TANGO2: variants seen among roughly 807,000 people sequenced by gnomAD.
TANGO2 encodes the protein transport and Golgi organization protein 2 homolog.
TANGO2 carries 26 observed loss-of-function variants against 39.1 expected under a neutral mutation model. That is an observed-to-expected ratio of 0.67 (90% CI 0.49 to 0.92). The LOEUF (loss-of-function observed/expected upper bound fraction) is 0.92. TANGO2 is among the 40% of genes least tolerant of loss of function. The pLI, the probability that TANGO2 is intolerant of heterozygous loss-of-function variation, is 0.00. For synonymous variants in TANGO2, 131 were observed against 144.5 expected (o/e 0.91, Z 0.67); for missense variants, 326 against 360.1 (o/e 0.91, Z 0.77).
rs2049117667 is a variant in TANGO2 at position 20,065,673 on chromosome 22, C to T, written c.*1011C>T. 6.6e-6 allele frequency: 1 copy of T among 152,276 alleles called. No individual in the cohort carries two copies. The highest frequency in any genetic ancestry group is 2.1e-4 in the South Asian group (1 of 4,832). 9.4% of individuals were successfully genotyped at this position (152,276 alleles called of 1,614,324 possible). On this transcript the variant is annotated 3_prime_UTR_variant, in exon 9 of 9. Coordinates refer to ENST00000327374, the MANE Select transcript of TANGO2 (RefSeq NM_152906.7). ...CACTCTCATAACAGAAGTGCAGACT[C>T]ATTGCTAGATTCAGTGCCCTTGAGT... is the stretch of plus-strand genomic sequence containing the variant.
At chr22:20,017,372 G>C (rs1945263401), upstream of TANGO2, among the ~76,000 whole-genome samples, 1 of 152,216 alleles carries the variant, frequency 6.6e-6, no homozygotes, top group Non-Finnish European at 1.5e-5. Flanking sequence ...TGACCCTGGG[G>C]CCTGGGGGCT....
chr22:20,047,232 G>GTTTTT (rs113268323), intron 3 of TANGO2, among the ~76,000 whole-genome samples: 2 of 132,328 alleles, frequency 1.5e-5, no homozygotes, highest in South Asian at 2.4e-4. Context: ...TGGTTTGTTT[G>GTTTTT]TTTTTTTTTT....
chr22:20,036,609 C>T (rs1168277167), intron 1 of TANGO2, 151 bp from the exon 2 acceptor site: 4 of 678,708 alleles, frequency 5.9e-6, no homozygotes, highest in African/African-American at 3.6e-5. Context: ...TGTGTGGCAC[C>T]GGCCAAGAGT....
chr22:20,053,246 T>G, intron 4 of TANGO2, 191 bp from the exon 5 acceptor site: 2 of 545,926 alleles, frequency 3.7e-6, no homozygotes, highest in South Asian at 2.3e-5. Flanking sequence ...AAATGAGCAG[T>G]TTTCAGTGCC....
chr22:20,027,149 G>A (rs1313298610), intron 1 of TANGO2, among the ~76,000 whole-genome samples: 1 of 152,130 alleles, frequency 6.6e-6, no homozygotes, highest in Admixed American at 6.6e-5. Context: ...AGAGAGATGG[G>A]GGAGGTGCCA....
At chr22:20,059,984 CTGGCTCTGTCACCCAGGCTGGAGTGCAG>C (rs1364041442) in intron 6 of TANGO2, among the ~76,000 whole-genome samples, 4 of 150,486 alleles carry the variant, frequency 2.7e-5, no homozygotes, top group African/African-American at 9.8e-5. Context: ...GAGACAGGGT[CTGGCTCTGTCACCCAGGCTGGAGTGCAG>C]TGGTGCAGTC....
intron 2 of TANGO2, among the ~76,000 whole-genome samples, chr22:20,039,130 C>A (rs1423650708): frequency 5.3e-5 from 8 of 150,260 alleles, no homozygotes; most frequent in Admixed American, 3.3e-4. Flanking sequence ...GACAAGTTCT[C>A]ACTATGTTGT....
At chr22:20,059,106 TGTG>T (rs1303364202) in intron 6 of TANGO2, among the ~76,000 whole-genome samples, 5 of 152,136 alleles carry the variant, frequency 3.3e-5, no homozygotes, top group African/African-American at 1.2e-4. Flanking sequence ...CAGTCAGGGT[TGTG>T]GTGGTCTGGG....
intron 1 of TANGO2, among the ~76,000 whole-genome samples, chr22:20,025,782 C>G (rs1426617587): frequency 6.6e-6 from 1 of 152,154 alleles, no homozygotes; most frequent in Non-Finnish European, 1.5e-5. Context: ...CTGCAGAGTG[C>G]CTGGCATGGT....
At chr22:20,058,166 C>T (rs2047711159) in intron 6 of TANGO2, 1 of 152,178 alleles carries the variant, frequency 6.6e-6, no homozygotes, top group Non-Finnish European at 1.5e-5. Flanking sequence ...CAGGACATTT[C>T]TTGATCCCCA....
intron 4 of TANGO2, among the ~76,000 whole-genome samples, chr22:20,052,922 C>T (rs933417346): frequency 8.5e-5 from 13 of 152,082 alleles, no homozygotes; most frequent in South Asian, 2.1e-4. Context: ...CAGGGGTATG[C>T]GGCAGAGACA....
At chr22:20,063,176 AAAGAG>A (rs1239301623) in intron 7 of TANGO2, 157 bp from the exon 8 acceptor site, 8 of 587,952 alleles carry the variant, frequency 1.4e-5, no homozygotes, top group Middle Eastern at 3.9e-4. Flanking sequence ...AAATAAGAGA[AAAGAG>A]AAGAGAAGAG....
At chr22:20,063,531 C>T (rs538701177) in intron 8 of TANGO2, 89 bp downstream of exon 8, 2 of 1,157,386 alleles carry the variant, frequency 1.7e-6, no homozygotes, top group East Asian at 2.6e-5. Flanking sequence ...TGCCCATAGC[C>T]AGAGCCAGGC....
upstream of TANGO2, among the ~76,000 whole-genome samples, chr22:20,020,889 T>G (rs1463301244): frequency 6.6e-6 from 1 of 151,984 alleles, no homozygotes; most frequent in Non-Finnish European, 1.5e-5. Flanking sequence ...GGCCGCTGGA[T>G]CAGGAAGCGC....
chr22:20,063,268 G>C lies in TANGO2; in HGVS notation c.606-70G>C, dbSNP rs990574394. On this transcript the variant is annotated intron_variant, in intron 7 of 8. Coordinates refer to ENST00000327374, the MANE Select transcript of TANGO2 (RefSeq NM_152906.7). ...CAGAGCCAGTTAGGCCACCAGGTGG[G>C]CTGGGGCTAGACCCGGCTGCGGGCG... is the stretch of plus-strand genomic sequence containing the variant. The C allele has an allele frequency of 2.8e-6, 4 of 1,432,376 alleles. No homozygotes were observed. In the African/African-American group the frequency reaches 5.6e-5, roughly 20 times the overall value. The allele number at this position is 1,432,376 out of a possible 1,614,324, so 88.7% of individuals were successfully genotyped here. A position where few individuals can be genotyped will look rare whatever the true frequency, so the allele number is the denominator to read the frequency against.
At chr22:20,042,811 T>C (rs974081168) in intron 2 of TANGO2, among the ~76,000 whole-genome samples, 3 of 152,046 alleles carry the variant, frequency 2.0e-5, no homozygotes, top group Admixed American at 6.6e-5. Context: ...TGATTCATAA[T>C]GCAAAAAAAC....
At chr22:20,044,018 AGTCCTGTTGGACAG>A (rs1805654807) in intron 3 of TANGO2, among the ~76,000 whole-genome samples, 1 of 152,102 alleles carries the variant, frequency 6.6e-6, no homozygotes, top group African/African-American at 2.4e-5. Context: ...GCCTCATTGA[AGTCCTGTTGGACAG>A]GAACCAGTTC....
chr22:20,036,547 G>A (rs2042886763), intron 1 of TANGO2, among the ~76,000 whole-genome samples: 1 of 152,168 alleles, frequency 6.6e-6, no homozygotes, highest in African/African-American at 2.4e-5. Flanking sequence ...GTTGCAGGTG[G>A]TGGAGAGACA....
rs1400515797 is a variant in TANGO2, at chr22:20,066,387, A to C, written c.*1725A>C. 2 of 152,366 alleles carry C rather than the reference A, an allele frequency of 1.3e-5. No individual in the cohort carries two copies. The highest frequency in any genetic ancestry group is 3.4e-3 in the Middle Eastern group (1 of 294). The allele number at this position is 152,366 out of a possible 1,614,324, so 9.4% of individuals were successfully genotyped here. On this transcript the variant is annotated 3_prime_UTR_variant, in exon 9 of 9. Coordinates refer to ENST00000327374, the MANE Select transcript of TANGO2 (RefSeq NM_152906.7). Reference sequence around the variant, plus strand: ...CCAATGCTGAGACCTAGACTTTTCTAAGCCTCTGCACCCAACCCCTAACTT... The same window carrying C: ...CCAATGCTGAGACCTAGACTTTTCTCAGCCTCTGCACCCAACCCCTAACTT...
Sources: gnomAD v4.1 joint callset for allele counts (sites outside exome capture counted in the v4.1 genomes callset) on GRCh38, gnomAD v4.1.1 for gene constraint, MANE v1.5 for transcripts, NCBI Gene and HGNC (gene_info 2026-07-23, HGNC 2026-07-21) for gene names.